NUP153: variants seen among roughly 807,000 people sequenced by gnomAD.
NUP153 encodes nuclear pore complex protein Nup153.
NUP153 carries 27 observed loss-of-function variants against 134.6 expected under a neutral mutation model. The observed-to-expected ratio is 0.20, with a 90% CI of 0.15 to 0.28. The LOEUF is 0.28. Among genes scored for constraint, NUP153 ranks in the 10% least tolerant of loss-of-function variants. The probability of loss-of-function intolerance (pLI) is 1.00; values close to 1 mark genes in which losing one functional copy is unlikely to be tolerated. For missense variants in NUP153, 1,821 were observed against 1,731.3 expected, an observed-to-expected ratio of 1.05 and a Z score of -0.92; for synonymous variants, 640 against 623.5, an observed-to-expected ratio of 1.03 and a Z score of -0.40.
chr6:17,616,283 G>GT (rs1437332350), intron 21 of NUP153, 102 bp from the exon 22 acceptor site: 4 of 430,170 alleles, frequency 9.3e-6, no homozygotes, highest in Admixed American at 4.9e-5. Context: ...GGGGTCGGGT[G>GT]GGGGGGGAGT....
intron 14 of NUP153, among the ~76,000 whole-genome samples, chr6:17,642,632 C>A (rs1765893936): frequency 6.6e-6 from 1 of 152,190 alleles, no homozygotes; most frequent in African/African-American, 2.4e-5. Context: ...TTTAGTGATT[C>A]TTCAAAAAGT....
At chr6:17,646,923 T>TC (rs1317991406) in intron 13 of NUP153, among the ~76,000 whole-genome samples, 2 of 149,484 alleles carry the variant, frequency 1.3e-5, no homozygotes, top group Non-Finnish European at 3.0e-5. Context: ...ATTTTCTTTT[T>TC]TTTTTTTTTT....
intron 2 of NUP153, among the ~76,000 whole-genome samples, chr6:17,676,753 A>G (rs558346885): frequency 1.4e-3 from 217 of 152,296 alleles, no homozygotes; most frequent in African/African-American, 5.1e-3. Context: ...ACATTTTCAG[A>G]CCTTGAACAG....
At chr6:17,688,168 C>A (rs1053012836) in intron 2 of NUP153, among the ~76,000 whole-genome samples, 6 of 151,784 alleles carry the variant, frequency 4.0e-5, no homozygotes, top group African/African-American at 1.5e-4. Context: ...AAATTAAAAC[C>A]CAAAATCCAA....
chr6:17,697,818 T>C (rs780506837), intron 1 of NUP153, among the ~76,000 whole-genome samples: 7 of 152,144 alleles, frequency 4.6e-5, no homozygotes, highest in Non-Finnish European at 8.8e-5. Flanking sequence ...GGGGGAAGGC[T>C]ATTCTATAAC....
rs1449186327 is a variant in NUP153, at chr6:17,701,889, T to C, written c.111+4388A>G. On this transcript the variant is annotated intron_variant, in intron 1 of 21. Coordinates refer to ENST00000262077, the MANE Select transcript of NUP153 (RefSeq NM_005124.4). ...ACTGACTTGTAAGACAAACTATATC[T>C]AGGAGGATTAAAGGCGGAGTCCCTT... Among the ~76,000 whole-genome samples the C allele has an allele frequency of 4.2e-5, 6 of 143,314 alleles. No homozygotes were observed. In the Admixed American group the frequency reaches 4.4e-4, roughly 10 times the overall value. The allele number at this position is 143,314 out of a possible 152,430, so 94.0% of individuals were successfully genotyped here.
At position 17,675,129 on chromosome 6, in the gene NUP153, G is replaced by A; in HGVS notation, c.724-96C>T. ...TCATGCTGCTACACACTCAAGCCTG[G>A]GCAACAGCAAAAGACTCTTGTCTCA... On this transcript the variant is annotated intron_variant, in intron 4 of 21. Transcript: ENST00000262077. The surrounding 1 kb of genome is among the most constrained non-coding windows in gnomAD (Gnocchi z 4.4). 1 of 1,547,682 alleles carries A rather than the reference G, an allele frequency of 6.5e-7. No homozygotes were observed. The highest frequency in any genetic ancestry group is 8.8e-7 in the Non-Finnish European group (1 of 1,139,906).
In NUP153 at chr6:17,675,394, G is replaced by A. The variant is rs1319019786; in HGVS notation, c.584-26C>T. ...CTGAAACAAAATTACATAATCCATA[G>A]TAATAACACCAATACAAGAGCCTAG... is the stretch of plus-strand genomic sequence containing the variant. On this transcript the variant is annotated intron_variant, in intron 3 of 21. Transcript: ENST00000262077. This position sits in a 1 kb window ranked among gnomAD's most constrained non-coding sequence, Gnocchi z 4.4. 7.5e-6 allele frequency: 12 copies of A among 1,607,678 alleles called. No homozygotes were observed. The highest frequency in any genetic ancestry group is 1.7e-5 in the Admixed American group (1 of 59,666).
intron 8 of NUP153, among the ~76,000 whole-genome samples, chr6:17,667,552 A>C (rs1444282620): frequency 1.3e-5 from 2 of 152,080 alleles, no homozygotes; most frequent in African/African-American, 2.4e-5. Context: ...ATCTCTACTA[A>C]AAATACAAAA....
In NUP153 at chr6:17,632,702, G is replaced by T. The variant is rs1040743180; in HGVS notation, c.2607C>A (p.Thr869=). ...TTGCACTTTCACATGCCAAACATTT[G>T]GTAGAGTCTGCCTTATTCTGCACTA... is the stretch of plus-strand genomic sequence containing the variant. ...LCLVQNKADS[T]KCLACESAKP... Residue 869 remains threonine (T), a synonymous_variant, in exon 17 of 22, where the codon ACC becomes ACA. Transcript: ENST00000262077. 1 of 1,612,916 alleles carries T rather than the reference G, an allele frequency of 6.2e-7. No homozygotes were observed.
intron 1 of NUP153, among the ~76,000 whole-genome samples, chr6:17,705,286 T>C (rs1443178773): frequency 6.6e-6 from 1 of 152,230 alleles, no homozygotes; most frequent in East Asian, 1.9e-4. Context: ...TAAAATAAGT[T>C]AACATTTTCC....
chr6:17,704,962 G>A (rs1021058107), intron 1 of NUP153, among the ~76,000 whole-genome samples: 1 of 152,176 alleles, frequency 6.6e-6, no homozygotes, highest in Non-Finnish European at 1.5e-5. Flanking sequence ...GGGTTTCACC[G>A]TCTCTGGATG....
At chr6:17,667,175 G>C (rs1767586578) in intron 8 of NUP153, among the ~76,000 whole-genome samples, 3 of 152,114 alleles carry the variant, frequency 2.0e-5, no homozygotes, top group African/African-American at 7.2e-5. Context: ...AAAGCTAGTA[G>C]CTTAAATTAA....
intron 20 of NUP153, among the ~76,000 whole-genome samples, chr6:17,623,984 A>C (rs187476914): frequency 6.6e-6 from 1 of 152,176 alleles, no homozygotes; most frequent in African/African-American, 2.4e-5. Flanking sequence ...ATTTGCTTCA[A>C]TATTACACTG....
At position 17,615,901 on chromosome 6, in the gene NUP153, G is replaced by A. The variant is rs978003336; in HGVS notation, c.*196C>T. The A allele has an allele frequency of 1.2e-5, 6 of 520,138 alleles. No individual in the cohort carries two copies. In the African/African-American group the frequency reaches 1.2e-4, roughly 10 times the overall value. The allele number at this position is 520,138 out of a possible 1,614,324, so 32.2% of individuals were successfully genotyped here. A position where few individuals can be genotyped will look rare whatever the true frequency, so the allele number is the denominator to read the frequency against. On this transcript the variant is annotated 3_prime_UTR_variant, in exon 22 of 22. Transcript: ENST00000262077. This position sits in a 1 kb window ranked among gnomAD's most constrained non-coding sequence, Gnocchi z 5.7. ...TGCTGAAGAATCAGTCACCAGTCTAGCTATTTATTTATTTAAAAAAGGGTG... is the reference window on the plus strand; with the variant it reads ...TGCTGAAGAATCAGTCACCAGTCTAACTATTTATTTATTTAAAAAAGGGTG...
rs143083233 is a variant in NUP153, at chr6:17,649,242, G to A, written c.1454C>T (p.Pro485Leu). 3.5e-4 allele frequency: 563 copies of A among 1,613,700 alleles called. 1 individual carries two copies. In the Middle Eastern group the frequency reaches 5.4e-3, roughly 16 times the overall value. ...ISLPITSSSL[P>L]TFNFSSPEIT... ...CTCAGGGGAACTAAAATTAAAGGTA[G>A]GCAGTGAAGAACTGGTGATCGGTAG... The change falls in exon 12 of 22, where the codon CCT (proline) becomes CTT (leucine). Residue 485 changes from proline to leucine, a missense_variant. Transcript: ENST00000262077.
chr6:17,665,252 T>C lies in NUP153; in HGVS notation c.1202A>G (p.Asp401Gly). ...ACATATACTCACACTGCACTTGTTA[T>C]CTATTCTTTGATTAGTCTTCCTGAA... ...GEFRKTNQRI[D>G]NKCSTGYEKN... Residue 401 changes from aspartate (D) to glycine (G), a missense_variant, in exon 9 of 22, where the codon GAT becomes GGT. Asp to Gly is a moderately conservative substitution (Grantham distance 94, BLOSUM62 -1). Transcript: ENST00000262077. 2.5e-6 allele frequency: 4 copies of C among 1,605,242 alleles called. No individual in the cohort carries two copies. Among genetic ancestry groups the C allele is most frequent in the Admixed American group, 3.3e-5 (2 of 59,990 alleles).
chr6:17,700,856 ACTAT>A (rs976835731), intron 1 of NUP153, among the ~76,000 whole-genome samples: 1 of 152,232 alleles, frequency 6.6e-6, no homozygotes, highest in African/African-American at 2.4e-5. Context: ...CTAAAAATTC[ACTAT>A]CTGTGTCCCT....
rs1324899537 is a variant in NUP153, at chr6:17,637,675, T to C, written c.1942A>G (p.Ser648Gly). ...AAACTCTCCCCAAACCCAATTCCAC[T>C]AGAAGAAAAGCTACTTATTGCTGGT... The part of the protein sequence containing the change: ...TRPAISSFSS[S>G]GIGFGESLKA... The change falls in exon 16 of 22, where the codon AGT (serine) becomes GGT (glycine). Residue 648 changes from serine (S) to glycine (G), a missense_variant. Ser to Gly is a moderately conservative substitution (Grantham distance 56). Transcript: ENST00000262077. 1 of 1,613,114 alleles carries C rather than the reference T, an allele frequency of 6.2e-7. No homozygotes were observed. Among genetic ancestry groups the C allele is most frequent in the East Asian group, 2.2e-5 (1 of 44,880 alleles).
Sources: allele counts gnomAD v4.1 joint callset (sites outside exome capture counted in the v4.1 genomes callset), GRCh38; gene constraint gnomAD v4.1.1; non-coding constraint Gnocchi (gnomAD v3.1); transcripts MANE v1.5; gene names NCBI Gene and HGNC (gene_info 2026-07-23, HGNC 2026-07-21).